The following IL1RAP variants were observed in gnomAD, a reference collection of about 807,000 sequenced individuals.
IL1RAP encodes the protein interleukin 1 receptor accessory protein, also known as interleukin-1 receptor accessory protein.
Under a neutral mutation model 60.7 loss-of-function variants are expected in IL1RAP, and 35 were observed. The ratio of observed to expected loss-of-function variants is 0.58; its 90% CI spans 0.44 to 0.76. IL1RAP has a LOEUF of 0.76. IL1RAP is among the 30% of genes least tolerant of loss of function. IL1RAP has a pLI of 0.00. For synonymous variants in IL1RAP, 268 were observed against 250.9 expected (o/e 1.07, Z -0.64); for missense variants, 572 against 693.9 (o/e 0.82, Z 1.97).
At chr3:190,522,289 GCTTCCTTC>G (rs72459878) in intron 1 of IL1RAP, among the ~76,000 whole-genome samples, 6,222 of 135,376 alleles carry the variant, frequency 0.046, 210 homozygotes, top group African/African-American at 0.089. Context: ...GCCTTCCTTT[GCTTCCTTC>G]CTTCCTTCCT....
chr3:190,553,905 C>T (rs1725131531), intron 1 of IL1RAP, among the ~76,000 whole-genome samples: 1 of 151,288 alleles, frequency 6.6e-6, no homozygotes, highest in Non-Finnish European at 1.5e-5. Flanking sequence ...ACTAAAAATA[C>T]AAAAAATTAG....
chr3:190,600,464 A>C (rs929142551), intron 3 of IL1RAP, among the ~76,000 whole-genome samples: 2 of 152,194 alleles, frequency 1.3e-5, no homozygotes, highest in Non-Finnish European at 2.9e-5. Flanking sequence ...TGCATGTGCC[A>C]GGATAGATTA....
intron 9 of IL1RAP, among the ~76,000 whole-genome samples, chr3:190,638,899 C>G (rs1733438268): frequency 6.6e-6 from 1 of 152,018 alleles, no homozygotes; most frequent in Admixed American, 6.5e-5. Flanking sequence ...GTATCTATTT[C>G]TTTTCTTTCA....
chr3:190,524,432 T>C (rs1722337015), intron 1 of IL1RAP, among the ~76,000 whole-genome samples: 1 of 152,204 alleles, frequency 6.6e-6, no homozygotes, highest in Non-Finnish European at 1.5e-5. Flanking sequence ...TGCCCATTCC[T>C]ATGTCCAGAA....
chr3:190,552,321 C>G (rs1724935150), intron 1 of IL1RAP, among the ~76,000 whole-genome samples: 1 of 152,106 alleles, frequency 6.6e-6, no homozygotes, highest in Non-Finnish European at 1.5e-5. Context: ...GATTTCAATC[C>G]TCAATTTACA....
intron 3 of IL1RAP, among the ~76,000 whole-genome samples, chr3:190,595,736 G>A (rs943865348): frequency 6.6e-6 from 1 of 152,116 alleles, no homozygotes; most frequent in Non-Finnish European, 1.5e-5. Flanking sequence ...CAAATCTCAA[G>A]ACTCTCACCT....
chr3:190,546,402 C>T (rs1278806796), intron 1 of IL1RAP, among the ~76,000 whole-genome samples: 1 of 152,184 alleles, frequency 6.6e-6, no homozygotes, highest in African/African-American at 2.4e-5. Flanking sequence ...TTTTCTCTCC[C>T]CACAACTCCT....
intron 3 of IL1RAP, among the ~76,000 whole-genome samples, chr3:190,586,104 G>A (rs2015757882): frequency 6.6e-6 from 1 of 152,154 alleles, no homozygotes; most frequent in Non-Finnish European, 1.5e-5. Context: ...TCTCTTCTGT[G>A]AAGGCACCGA....
intron 3 of IL1RAP, among the ~76,000 whole-genome samples, chr3:190,575,611 A>G (rs13327334): frequency 0.029 from 4,350 of 152,254 alleles, 231 homozygotes; most frequent in African/African-American, 0.099. Context: ...TTTGAGAACT[A>G]TGGGGAAAGA....
chr3:190,552,802 G>GA (rs1176668463), intron 1 of IL1RAP, among the ~76,000 whole-genome samples: 1 of 151,346 alleles, frequency 6.6e-6, no homozygotes, highest in Non-Finnish European at 1.5e-5. Context: ...TTGGTTGACT[G>GA]AAAAAAAGAA....
intron 1 of IL1RAP, among the ~76,000 whole-genome samples, chr3:190,555,651 G>T (rs1209460006): frequency 6.6e-6 from 1 of 152,122 alleles, no homozygotes; most frequent in South Asian, 2.1e-4. Flanking sequence ...TCCCCTATGG[G>T]TTTGTCTAAT....
chr3:190,524,247 G>T (rs1722322038), intron 1 of IL1RAP, among the ~76,000 whole-genome samples: 1 of 152,090 alleles, frequency 6.6e-6, no homozygotes, highest in African/African-American at 2.4e-5. Context: ...CTAGATGCTG[G>T]ATATTAGACC....
At position 190,598,322 on chromosome 3, in the gene IL1RAP, C is replaced by T. The variant is rs1038726222; in HGVS notation, c.65-5806C>T. On this transcript the variant is annotated intron_variant, in intron 3 of 11. Coordinates refer to ENST00000447382, the MANE Select transcript of IL1RAP (RefSeq NM_002182.4). ...TTTGCTATCCAACTGTTTTCTTCCTCTTTTTTTTTCTATATACTTTATCAT... is the reference window on the plus strand; with the variant it reads ...TTTGCTATCCAACTGTTTTCTTCCTTTTTTTTTTTCTATATACTTTATCAT... Among the ~76,000 whole-genome samples the T allele has an allele frequency of 2.8e-4, 43 of 151,406 alleles. No individual in the cohort carries two copies. In the South Asian group the frequency reaches 4.2e-3, roughly 15 times the overall value.
exon 12 of IL1RAP, chr3:190,658,455 A>T (rs1734684735): frequency 6.6e-6 from 1 of 152,192 alleles, no homozygotes; most frequent in Admixed American, 6.5e-5. Context: ...GATCTGACCT[A>T]ACCCTCCATT....
rs1011794266 is a variant in IL1RAP, at chr3:190,649,850, T to A, written c.*1145T>A. On this transcript the variant is annotated 3_prime_UTR_variant, in exon 12 of 12. Transcript: ENST00000447382. ...TCAATGAAAGTTGTTTTGTTTGTTTTCAGTAATATTTTGCTGTTTTTAAGA... is the reference window on the plus strand; with the variant it reads ...TCAATGAAAGTTGTTTTGTTTGTTTACAGTAATATTTTGCTGTTTTTAAGA... 6.2e-5 allele frequency: 61 copies of A among 985,326 alleles called. No homozygotes were observed. Among genetic ancestry groups the A allele is most frequent in the Non-Finnish European group, 7.1e-5 (59 of 829,870 alleles). 61.0% of individuals were successfully genotyped at this position (985,326 alleles called of 1,614,324 possible).
intron 3 of IL1RAP, among the ~76,000 whole-genome samples, chr3:190,576,991 C>T (rs985030972): frequency 5.3e-5 from 8 of 151,260 alleles, no homozygotes; most frequent in African/African-American, 9.7e-5. Context: ...GTCCCAGCTA[C>T]TCGGGAGGCT....
At chr3:190,560,060 T>C (rs1725754452) in intron 2 of IL1RAP, among the ~76,000 whole-genome samples, 1 of 152,204 alleles carries the variant, frequency 6.6e-6, no homozygotes, top group Admixed American at 6.5e-5. Context: ...ATGATGAAAA[T>C]AACTCTCATG....
Position 190,646,980 on chromosome 3 carries a change from G to A in IL1RAP, c.1345+1138G>A, listed in dbSNP as rs189652401. Among the ~76,000 whole-genome samples the A allele has an allele frequency of 5.6e-4, 85 of 152,060 alleles. 1 individual carries two copies. In the South Asian group the frequency reaches 0.012, roughly 21 times the overall value. ...CATTTATTCACCCATTTATTTGTTC[G>A]TACAGCCATTCAATAAATACTTATC... On this transcript the variant is annotated intron_variant, in intron 11 of 11. Coordinates refer to ENST00000447382, the MANE Select transcript of IL1RAP (RefSeq NM_002182.4).
intron 1 of IL1RAP, among the ~76,000 whole-genome samples, chr3:190,549,539 A>T (rs1468069133): frequency 1.3e-5 from 2 of 152,216 alleles, no homozygotes; most frequent in Non-Finnish European, 2.9e-5. Flanking sequence ...GAGAAGAGAC[A>T]GACTGGGTTA....
Sources: allele counts gnomAD v4.1 joint callset (sites outside exome capture counted in the v4.1 genomes callset), GRCh38; gene constraint gnomAD v4.1.1; transcripts MANE v1.5; gene names NCBI Gene and HGNC (gene_info 2026-07-23, HGNC 2026-07-21).